Variants in PDE4D observed in about 807,000 individuals in gnomAD.
The protein encoded by PDE4D is phosphodiesterase 4D.
PDE4D carries 24 observed loss-of-function variants against 87.4 expected under a neutral mutation model. That is an observed-to-expected ratio of 0.27 (90% CI 0.20 to 0.39). The LOEUF is 0.39. PDE4D is among the 10% of genes least tolerant of loss of function. The probability of loss-of-function intolerance (pLI) is 1.00; values close to 1 mark genes in which losing one functional copy is unlikely to be tolerated. For missense variants in PDE4D, 714 were observed against 1,041.0 expected (o/e 0.69, Z 4.32); for synonymous variants, 384 against 383.2 (o/e 1.00, Z -0.02).
intron 2 of PDE4D, among the ~76,000 whole-genome samples, chr5:60,040,154 T>C (rs1430357185): frequency 6.6e-6 from 1 of 152,240 alleles, no homozygotes; most frequent in African/African-American, 2.4e-5. Flanking sequence ...CCACAATTTT[T>C]GTATTTGATT....
At chr5:60,319,942 C>T (rs1464822627) in intron 1 of PDE4D, among the ~76,000 whole-genome samples, 4 of 152,142 alleles carry the variant, frequency 2.6e-5, no homozygotes, top group Non-Finnish European at 4.4e-5. Context: ...GACCCAGTTG[C>T]GGAGGCAGTC....
intron 1 of PDE4D, among the ~76,000 whole-genome samples, chr5:59,525,483 A>C (rs1812935915): frequency 6.6e-6 from 1 of 152,182 alleles, no homozygotes; most frequent in African/African-American, 2.4e-5. Context: ...AGGCTCATAG[A>C]CAGAAGGGAC....
chr5:59,119,205 C>G (rs186987672), intron 5 of PDE4D, among the ~76,000 whole-genome samples: 1 of 152,252 alleles, frequency 6.6e-6, no homozygotes, highest in African/African-American at 2.4e-5. Flanking sequence ...TTGCCAAAAT[C>G]TTATTATCAT....
At chr5:59,455,958 G>A (rs1477356538) in intron 1 of PDE4D, among the ~76,000 whole-genome samples, 5 of 152,228 alleles carry the variant, frequency 3.3e-5, no homozygotes, top group African/African-American at 1.2e-4. Flanking sequence ...CCCAATGCCT[G>A]TACCCCCATT....
At chr5:59,920,574 T>C (rs1234289601) in intron 3 of PDE4D, among the ~76,000 whole-genome samples, 1 of 152,186 alleles carries the variant, frequency 6.6e-6, no homozygotes, top group African/African-American at 2.4e-5. Context: ...ATAGTCCTTA[T>C]TATGAAATAG....
intron 2 of PDE4D, among the ~76,000 whole-genome samples, chr5:60,006,632 T>C (rs1561971412): frequency 6.6e-6 from 1 of 151,924 alleles, no homozygotes; most frequent in Non-Finnish European, 1.5e-5. Context: ...CACATAATAA[T>C]GATGATAATG....
chr5:60,417,935 CA>C (rs146816260), intron 1 of PDE4D, among the ~76,000 whole-genome samples: 4,064 of 151,890 alleles, frequency 0.027, 172 homozygotes, highest in African/African-American at 0.093. Context: ...TAAAGATAAA[CA>C]CTTCCAAATT....
chr5:59,217,685 C>T (rs1055743077), intron 1 of PDE4D, among the ~76,000 whole-genome samples: 2 of 152,150 alleles, frequency 1.3e-5, no homozygotes, highest in African/African-American at 4.8e-5. Context: ...AGTCACTGAG[C>T]TAACTGCATT....
intron 1 of PDE4D, among the ~76,000 whole-genome samples, chr5:60,234,567 G>T (rs1746205373): frequency 6.6e-6 from 1 of 151,800 alleles, no homozygotes; most frequent in African/African-American, 2.4e-5. Flanking sequence ...CACCAACAAT[G>T]AATGAAAATT....
chr5:60,085,172 G>C (rs568802042), intron 2 of PDE4D, among the ~76,000 whole-genome samples: 4 of 152,084 alleles, frequency 2.6e-5, no homozygotes, highest in Non-Finnish European at 5.9e-5. Flanking sequence ...ATTATTCACA[G>C]GTTAATCTTC....
intron 1 of PDE4D, among the ~76,000 whole-genome samples, chr5:60,202,945 T>C (rs943637928): frequency 9.9e-5 from 15 of 152,160 alleles, no homozygotes; most frequent in African/African-American, 3.4e-4. Context: ...AAGATGACAG[T>C]CAAAGCCTTG....
At chr5:60,337,386 T>TACACACACACACACACAC (rs1370710315) in intron 1 of PDE4D, among the ~76,000 whole-genome samples, 25 of 92,112 alleles carry the variant, frequency 2.7e-4, no homozygotes, top group African/African-American at 9.7e-4. Flanking sequence ...TATATATATA[T>TACACACACACACACACAC]ATACACACAC....
At chr5:60,025,660 CT>C (rs1407450408) in intron 2 of PDE4D, among the ~76,000 whole-genome samples, 1 of 151,912 alleles carries the variant, frequency 6.6e-6, no homozygotes, top group Admixed American at 6.6e-5. Flanking sequence ...TGTATTCTTC[CT>C]GAAAAATATA....
intron 2 of PDE4D, among the ~76,000 whole-genome samples, chr5:59,989,509 T>C (rs1259013744): frequency 6.6e-6 from 1 of 152,106 alleles, no homozygotes; most frequent in Non-Finnish European, 1.5e-5. Context: ...TGTTTTCATA[T>C]GTCACATTTA....
At chr5:60,415,596 T>C (rs1011912214) in intron 1 of PDE4D, among the ~76,000 whole-genome samples, 1 of 152,228 alleles carries the variant, frequency 6.6e-6, no homozygotes, top group African/African-American at 2.4e-5. Context: ...GCTTAGCACC[T>C]GGGCCAGCAG....
intron 5 of PDE4D, among the ~76,000 whole-genome samples, chr5:59,109,768 A>C (rs1396040445): frequency 6.6e-6 from 1 of 152,224 alleles, no homozygotes. Context: ...ACCATCTTTC[A>C]GGGGCAAATT....
chr5:59,291,421 A>G (rs1472973268), intron 1 of PDE4D, among the ~76,000 whole-genome samples: 1 of 151,920 alleles, frequency 6.6e-6, no homozygotes, highest in Non-Finnish European at 1.5e-5. Context: ...CAGTTTCCGG[A>G]GGTTAGGTAG....
At chr5:59,679,692 C>T (rs1406629662) in intron 1 of PDE4D, among the ~76,000 whole-genome samples, 1 of 152,062 alleles carries the variant, frequency 6.6e-6, no homozygotes, top group African/African-American at 2.4e-5. Flanking sequence ...ATCAAGTAAC[C>T]AGACTTAACA....
chr5:60,225,999 A>C (rs1745049258), intron 1 of PDE4D, among the ~76,000 whole-genome samples: 1 of 152,140 alleles, frequency 6.6e-6, no homozygotes, highest in Admixed American at 6.6e-5. Flanking sequence ...TAAATCAATA[A>C]GTATATGGAT....
Sources: gnomAD v4.1 joint callset for allele counts (sites outside exome capture counted in the v4.1 genomes callset) on GRCh38, gnomAD v4.1.1 for gene constraint, MANE v1.5 for transcripts, NCBI Gene and HGNC (gene_info 2026-07-23, HGNC 2026-07-21) for gene names.